Variants in GRB14 observed in about 807,000 individuals in gnomAD.
GRB14 encodes the protein growth factor receptor-bound protein 14.
In GRB14, 38 loss-of-function variants were observed where a neutral mutation model predicts 69.1. The ratio of observed to expected loss-of-function variants is 0.55; its 90% CI spans 0.42 to 0.72. The LOEUF is 0.72. GRB14 is among the 30% of genes least tolerant of loss of function. GRB14 has a pLI of 0.00. For synonymous variants in GRB14, 247 were observed against 241.3 expected (o/e 1.02, Z -0.22); for missense variants, 666 against 666.1 (o/e 1.00, Z 0.00).
At position 164,527,176 on chromosome 2, in the gene GRB14, AATATATATATATATATATATATATAT is replaced by A. The variant is rs57531034; in HGVS notation, c.482-67_482-42del. Reference sequence around the variant, plus strand: ...CAATGAGTATGTTGACAGATAGACAAATATATATATATATATATATATATATATATATATATATATATATACACACA... The same window carrying A: ...CAATGAGTATGTTGACAGATAGACAAATATATATATATATATATACACACA... On this transcript the variant is annotated intron_variant, in intron 3 of 13. Transcript: ENST00000263915. 1,166 of 249,964 alleles carry A rather than the reference AATATATATATATATATATATATATAT, an allele frequency of 4.7e-3. 82 individuals carry two copies. The highest frequency in any genetic ancestry group is 7.1e-3 in the Non-Finnish European group (982 of 138,682). 15.5% of individuals were successfully genotyped at this position (249,964 alleles called of 1,614,324 possible).
chr2:164,506,150 T>C (rs1687182817), intron 8 of GRB14, among the ~76,000 whole-genome samples: 4 of 152,212 alleles, frequency 2.6e-5, no homozygotes, highest in Admixed American at 2.6e-4. Flanking sequence ...AGCCTCTTTA[T>C]CTGTAAAACT....
chr2:164,563,009 A>G (rs1013281903), intron 2 of GRB14, among the ~76,000 whole-genome samples: 5 of 152,174 alleles, frequency 3.3e-5, no homozygotes, highest in African/African-American at 9.7e-5. Flanking sequence ...GGCAGGAGAA[A>G]TATCAAGGTT....
chr2:164,585,831 C>G (rs1689525411), intron 2 of GRB14, among the ~76,000 whole-genome samples: 1 of 152,042 alleles, frequency 6.6e-6, no homozygotes. Flanking sequence ...TTTTTAAAAA[C>G]AAAAACAAAA....
intron 6 of GRB14, among the ~76,000 whole-genome samples, chr2:164,520,302 C>T (rs777850132): frequency 6.6e-6 from 1 of 152,016 alleles, no homozygotes; most frequent in Non-Finnish European, 1.5e-5. Flanking sequence ...TGGCAAGTCA[C>T]ATGTAGAAGA....
Position 164,508,867 on chromosome 2 carries a change from T to G in GRB14, c.817-15A>C, listed in dbSNP as rs755824887. Reference sequence around the variant, plus strand: ...TGCCGCGGTTCCTTAAAAAAAAAAGTATTGACATGGATACATATTTTTGCA... The same window carrying G: ...TGCCGCGGTTCCTTAAAAAAAAAAGGATTGACATGGATACATATTTTTGCA... On this transcript the variant is annotated splice_polypyrimidine_tract_variant and intron_variant, in intron 6 of 13. Coordinates refer to ENST00000263915, the MANE Select transcript of GRB14 (RefSeq NM_004490.3). 3 of 1,468,814 alleles carry G rather than the reference T, an allele frequency of 2.0e-6. No homozygotes were observed. Among genetic ancestry groups the G allele is most frequent in the Non-Finnish European group, 2.8e-6 (3 of 1,074,590 alleles). 91.0% of individuals were successfully genotyped at this position (1,468,814 alleles called of 1,614,324 possible).
chr2:164,503,989 A>C (rs1230758466), intron 8 of GRB14, among the ~76,000 whole-genome samples: 1 of 152,134 alleles, frequency 6.6e-6, no homozygotes, highest in Non-Finnish European at 1.5e-5. Context: ...AGGGACCAAA[A>C]TATGTTAGAG....
At chr2:164,510,206 T>C (rs1328782194) in intron 6 of GRB14, among the ~76,000 whole-genome samples, 1 of 152,212 alleles carries the variant, frequency 6.6e-6, no homozygotes, top group Non-Finnish European at 1.5e-5. Context: ...GAAGTCAATA[T>C]AGTTCAGTTA....
chr2:164,513,362 A>G (rs1053484020), intron 6 of GRB14, among the ~76,000 whole-genome samples: 2 of 152,180 alleles, frequency 1.3e-5, no homozygotes, highest in African/African-American at 4.8e-5. Flanking sequence ...CTTAATTCAG[A>G]AAAAGGGTCA....
chr2:164,607,535 G>A (rs1690069289), intron 2 of GRB14, among the ~76,000 whole-genome samples: 1 of 152,174 alleles, frequency 6.6e-6, no homozygotes. Context: ...GCACACAGGT[G>A]GTGGAAGGCA....
At chr2:164,576,168 G>A (rs1040120128) in intron 2 of GRB14, among the ~76,000 whole-genome samples, 2 of 151,152 alleles carry the variant, frequency 1.3e-5, no homozygotes, top group Non-Finnish European at 3.0e-5. Context: ...TAAACGTCTC[G>A]GTGTCATATA....
At chr2:164,540,620 A>C (rs1217756561) in intron 3 of GRB14, among the ~76,000 whole-genome samples, 1 of 152,086 alleles carries the variant, frequency 6.6e-6, no homozygotes, top group Non-Finnish European at 1.5e-5. Context: ...AAATAAATAA[A>C]TAAAAAATAA....
intron 8 of GRB14, among the ~76,000 whole-genome samples, chr2:164,504,760 T>A (rs1687147168): frequency 6.6e-6 from 1 of 152,116 alleles, no homozygotes; most frequent in South Asian, 2.1e-4. Context: ...AGAGCCTATG[T>A]TAAGCTACAT....
intron 2 of GRB14, among the ~76,000 whole-genome samples, chr2:164,611,925 G>A (rs4667765): frequency 0.77 from 117,389 of 151,978 alleles, 45,989 homozygotes; most frequent in Admixed American, 0.82. Context: ...CACGACTCCT[G>A]TATCTGCTGC....
At chr2:164,521,593 C>T (rs1687635273) in intron 6 of GRB14, among the ~76,000 whole-genome samples, 1 of 152,052 alleles carries the variant, frequency 6.6e-6, no homozygotes, top group Non-Finnish European at 1.5e-5. Flanking sequence ...ATTAACTGTT[C>T]TGTTGATGTT....
At chr2:164,560,630 G>C (rs73020278) in intron 2 of GRB14, among the ~76,000 whole-genome samples, 3,232 of 152,136 alleles carry the variant, frequency 0.021, 109 homozygotes, top group African/African-American at 0.074. Context: ...CACCTCACCA[G>C]GAACCTTTCC....
At chr2:164,530,741 A>G (rs961424516) in intron 3 of GRB14, among the ~76,000 whole-genome samples, 6 of 152,192 alleles carry the variant, frequency 3.9e-5, no homozygotes, top group Non-Finnish European at 8.8e-5. Flanking sequence ...CAGGAGAAGA[A>G]GTTAAGGAAA....
rs550354375 is a variant in GRB14 at position 164,619,904 on chromosome 2, C to T, written c.192-85G>A. On this transcript the variant is annotated intron_variant, in intron 1 of 13. Transcript: ENST00000263915. ...GTCAGGAATAAAAAGTGTGCTAAGG[C>T]GAACATGTACCACTCTGTGACAAGG... The T allele has an allele frequency of 1.0e-4, 109 of 1,077,788 alleles. 1 individual carries two copies. In the South Asian group the frequency reaches 1.3e-3, roughly 13 times the overall value. 66.8% of individuals were successfully genotyped at this position (1,077,788 alleles called of 1,614,324 possible).
At position 164,525,023 on chromosome 2, in the gene GRB14, G is replaced by T. The variant is rs780131269; in HGVS notation, c.659C>A (p.Ser220Tyr). 2 of 1,582,646 alleles carry T rather than the reference G, an allele frequency of 1.3e-6. No homozygotes were observed. Among genetic ancestry groups the T allele is most frequent in the Admixed American group, 1.7e-5 (1 of 57,560 alleles). ...TTTTACCTGCAAAATCTGTGTGGGG[G>T]ATATTTCACCATTGGTTTCAGTTGC... ...SFATETNGEI[S>Y]PTQILQMFLS... The change falls in exon 5 of 14, where the codon TCC becomes TAC. Residue 220 changes from serine (S) to tyrosine (Y), a missense_variant. Transcript: ENST00000263915.
At chr2:164,520,223 T>C (rs1687603318) in intron 6 of GRB14, among the ~76,000 whole-genome samples, 1 of 152,070 alleles carries the variant, frequency 6.6e-6, no homozygotes. Context: ...AGCCAACTGG[T>C]CTTTGACAAA....
Sources: gnomAD v4.1 joint callset for allele counts (sites outside exome capture counted in the v4.1 genomes callset) on GRCh38, gnomAD v4.1.1 for gene constraint, MANE v1.5 for transcripts, NCBI Gene and HGNC (gene_info 2026-07-23, HGNC 2026-07-21) for gene names.